The following RAB3GAP2 variants were observed in gnomAD, a reference collection of about 807,000 sequenced individuals.
RAB3GAP2 encodes the protein rab3 GTPase-activating protein non-catalytic subunit.
Under a neutral mutation model 185.3 loss-of-function variants are expected in RAB3GAP2, and 87 were observed. That is an observed-to-expected ratio of 0.47 (90% CI 0.39 to 0.56). The LOEUF (loss-of-function observed/expected upper bound fraction) is 0.56, where lower values mean the gene tolerates loss of function less well. Ranked by LOEUF, RAB3GAP2 falls within the 20% of genes least tolerant of loss-of-function variation. RAB3GAP2 has a pLI of 0.00. For missense variants in RAB3GAP2, 1,492 were observed against 1,638.2 expected (o/e 0.91, Z 1.54); for synonymous variants, 554 against 576.1 (o/e 0.96, Z 0.55).
At chr1:220,177,214 T>G (rs559710280) in intron 21 of RAB3GAP2, among the ~76,000 whole-genome samples, 79 of 152,300 alleles carry the variant, frequency 5.2e-4, no homozygotes, top group African/African-American at 1.9e-3. Context: ...CCACATAAAC[T>G]TCAGAGCTCT....
intron 1 of RAB3GAP2, among the ~76,000 whole-genome samples, chr1:220,247,124 G>A (rs1254003322): frequency 6.6e-6 from 1 of 152,170 alleles, no homozygotes; most frequent in South Asian, 2.1e-4. Flanking sequence ...TGGCATGGAT[G>A]TGTTGAAAAA....
intron 28 of RAB3GAP2, among the ~76,000 whole-genome samples, chr1:220,161,676 G>A (rs1465433445): frequency 6.6e-6 from 1 of 152,144 alleles, no homozygotes; most frequent in East Asian, 1.9e-4. Context: ...ATTTATAGAG[G>A]AGAATAACTC....
At chr1:220,244,797 A>G (rs1482901574) in intron 1 of RAB3GAP2, among the ~76,000 whole-genome samples, 1 of 152,100 alleles carries the variant, frequency 6.6e-6, no homozygotes, top group Non-Finnish European at 1.5e-5. Context: ...ATGACAATGG[A>G]TCCCCATCTC....
At chr1:220,232,176 G>T (rs1659514021) in intron 2 of RAB3GAP2, among the ~76,000 whole-genome samples, 1 of 152,260 alleles carries the variant, frequency 6.6e-6, no homozygotes, top group African/African-American at 2.4e-5. Flanking sequence ...ATTTATGAAA[G>T]ATAAAGAATC....
At chr1:220,165,576 C>T (rs1314320606) in intron 26 of RAB3GAP2, among the ~76,000 whole-genome samples, 2 of 151,856 alleles carry the variant, frequency 1.3e-5, no homozygotes, top group Non-Finnish European at 2.9e-5. Context: ...TTGTTTTGAG[C>T]CTTATAAAAT....
At position 220,210,470 on chromosome 1, in the gene RAB3GAP2, G is replaced by T; in HGVS notation, c.530C>A (p.Ala177Glu). The part of the protein sequence containing the change: ...FYTENGVLLL[A>E]QLLNEDPVLQ... ...TACTGGGTCCTCATTCAAAAGCTGT[G>T]CAAGCAAGAGCACACCATTCTAGGA... Residue 177 changes from alanine to glutamate, a missense_variant, in exon 7 of 35, where the codon GCA becomes GAA. By Grantham distance (107) the Ala-to-Glu change is moderately radical. Around this residue, in one of 5 missense-constraint regions of RAB3GAP2, gnomAD observed 243 missense variants for 314.8 expected, o/e 0.77. Transcript: ENST00000358951. The T allele has an allele frequency of 6.2e-7, 1 of 1,613,864 alleles. No individual in the cohort carries two copies. Among genetic ancestry groups the T allele is most frequent in the Non-Finnish European group, 8.5e-7 (1 of 1,179,728 alleles).
chr1:220,252,053 T>C (rs1659942031), intron 1 of RAB3GAP2, among the ~76,000 whole-genome samples: 1 of 146,682 alleles, frequency 6.8e-6, no homozygotes, highest in African/African-American at 2.5e-5. Flanking sequence ...TTGGGGAGGC[T>C]AAGGCAGCAG....
At chr1:220,253,263 G>T (rs569054356) in intron 1 of RAB3GAP2, among the ~76,000 whole-genome samples, 2 of 152,306 alleles carry the variant, frequency 1.3e-5, no homozygotes, top group South Asian at 2.1e-4. Flanking sequence ...CCAGCAACAG[G>T]TCAGTACTCC....
At chr1:220,264,865 C>G (rs902842469) in intron 1 of RAB3GAP2, among the ~76,000 whole-genome samples, 1 of 152,150 alleles carries the variant, frequency 6.6e-6, no homozygotes, top group Non-Finnish European at 1.5e-5. Flanking sequence ...TAGCATAACA[C>G]CTCTAACAAT....
chr1:220,154,051 T>C lies in RAB3GAP2; in HGVS notation c.3562A>G (p.Asn1188Asp). The C allele has an allele frequency of 6.2e-7, 1 of 1,613,356 alleles. No homozygotes were observed. The highest frequency in any genetic ancestry group is 8.5e-7 in the Non-Finnish European group (1 of 1,179,692). ...GAAGTTAGGTCTTTGAAAAATGCATTTTTTCCCTAAAAAGAAAGAGAGCAA... is the reference window on the plus strand; with the variant it reads ...GAAGTTAGGTCTTTGAAAAATGCATCTTTTCCCTAAAAAGAAAGAGAGCAA... ...PLSLFDSKGK[N>D]AFFKDLTSIQ... Residue 1188 changes from asparagine to aspartate, a missense_variant, in exon 32 of 35, where the codon AAT becomes GAT. Around this residue, in one of 5 missense-constraint regions of RAB3GAP2, gnomAD observed 387 missense variants for 455.3 expected, o/e 0.85. Coordinates refer to ENST00000358951, the MANE Select transcript of RAB3GAP2 (RefSeq NM_012414.4).
chr1:220,166,120 G>GT (rs568897490), intron 26 of RAB3GAP2, among the ~76,000 whole-genome samples: 246 of 152,294 alleles, frequency 1.6e-3, no homozygotes, highest in Non-Finnish European at 2.4e-3. Context: ...TGAAGAGGGT[G>GT]ATTTGAAGGG....
intron 1 of RAB3GAP2, among the ~76,000 whole-genome samples, chr1:220,264,354 TA>T (rs1205080608): frequency 3.3e-5 from 5 of 151,990 alleles, no homozygotes; most frequent in Non-Finnish European, 5.9e-5. Context: ...AAACTAATAA[TA>T]AAACGAATGG....
At chr1:220,198,399 C>A (rs571275417) in intron 9 of RAB3GAP2, among the ~76,000 whole-genome samples, 96 of 152,322 alleles carry the variant, frequency 6.3e-4, no homozygotes, top group African/African-American at 2.3e-3. Context: ...AGCAACAAGG[C>A]TGTTTGAGAC....
At chr1:220,252,739 G>A (rs1659960967) in intron 1 of RAB3GAP2, among the ~76,000 whole-genome samples, 1 of 152,076 alleles carries the variant, frequency 6.6e-6, no homozygotes, top group Non-Finnish European at 1.5e-5. Flanking sequence ...ACACCACCAG[G>A]GCCTTGGGTC....
chr1:220,182,118 T>G lies in RAB3GAP2; in HGVS notation c.2310+139A>C, dbSNP rs973823500. The G allele has an allele frequency of 5.1e-6, 7 of 1,374,394 alleles. No individual in the cohort carries two copies. The African/African-American group carries it at 1.0e-4, about 20-fold the overall frequency. The allele number at this position is 1,374,394 out of a possible 1,614,324, so 85.1% of individuals were successfully genotyped here. A position where few individuals can be genotyped will look rare whatever the true frequency, so the allele number is the denominator to read the frequency against. On this transcript the variant is annotated intron_variant, in intron 21 of 34. Transcript: ENST00000358951. ...TCTATTAAATATGGTGATTAAAATT[T>G]TCTTTGATCATTTTTAGAAAGTTTT...
intron 1 of RAB3GAP2, chr1:220,267,614 G>T: frequency 7.3e-7 from 1 of 1,379,298 alleles, no homozygotes; most frequent in Non-Finnish European, 1.0e-6. Flanking sequence ...CCGACAGCGG[G>T]GACTGCTTGC....
chr1:220,233,226 C>A (rs774585499), intron 1 of RAB3GAP2, among the ~76,000 whole-genome samples: 20 of 151,744 alleles, frequency 1.3e-4, no homozygotes, highest in Admixed American at 4.6e-4. Context: ...AGATACTGGA[C>A]AAATATACAC....
Position 220,191,127 on chromosome 1 carries a change from T to G in RAB3GAP2, c.1428A>C (p.Glu476Asp). 1 of 1,614,060 alleles carries G rather than the reference T, an allele frequency of 6.2e-7. No homozygotes were observed. The highest frequency in any genetic ancestry group is 1.1e-5 in the South Asian group (1 of 91,078). Reference protein sequence around the residue: ...VIYAPRRGILEVWSTQQGPRV... With the variant: ...VIYAPRRGILDVWSTQQGPRV... The stretch of plus-strand genomic sequence containing the variant: ...TAGGTCCCTGCTGTGTGCTCCACAC[T>G]TCTAAAATTCCCCTTCTTGGCGCAT... Residue 476 changes from glutamate to aspartate, a missense_variant, in exon 14 of 35, where the codon GAA (glutamate) becomes GAC (aspartate). By Grantham distance (45) the Glu-to-Asp change is conservative. Coordinates refer to ENST00000358951, the MANE Select transcript of RAB3GAP2 (RefSeq NM_012414.4).
intron 12 of RAB3GAP2, among the ~76,000 whole-genome samples, chr1:220,194,161 G>A (rs991050919): frequency 6.6e-6 from 1 of 151,808 alleles, no homozygotes; most frequent in Admixed American, 6.6e-5. Flanking sequence ...TTCCCTTCAT[G>A]GTGGTACTTT....
Sources: allele counts gnomAD v4.1 joint callset (sites outside exome capture counted in the v4.1 genomes callset), GRCh38; gene constraint gnomAD v4.1.1; regional missense constraint gnomAD v4.1.1; transcripts MANE v1.5; gene names NCBI Gene and HGNC (gene_info 2026-07-23, HGNC 2026-07-21).